The following VPS16 variants were observed in gnomAD, a reference collection of about 807,000 sequenced individuals.
The protein encoded by VPS16 is vacuolar protein sorting-associated protein 16 homolog.
In VPS16, 82 loss-of-function variants were observed where a neutral mutation model predicts 116.0. The observed-to-expected ratio is 0.71, with a 90% CI of 0.59 to 0.85. VPS16 has a LOEUF of 0.85. Ranked by LOEUF, VPS16 falls within the 40% of genes least tolerant of loss-of-function variation. The pLI, the probability that VPS16 is intolerant of heterozygous loss-of-function variation, is 0.00. For synonymous variants in VPS16, 406 were observed against 420.7 expected, an observed-to-expected ratio of 0.96 and a Z score of 0.43; for missense variants, 928 against 1,090.6, an observed-to-expected ratio of 0.85 and a Z score of 2.10.
At chr20:2,848,121 A>G (rs1252911070) in intron 1 of VPS16, among the ~76,000 whole-genome samples, 2 of 152,228 alleles carry the variant, frequency 1.3e-5, no homozygotes, top group Non-Finnish European at 2.9e-5. Context: ...TTCACGTAGC[A>G]GGCAGATTGG....
At position 2,845,255 on chromosome 20, in the gene VPS16, G is replaced by A. The variant is rs564921186; in HGVS notation, c.53+4428G>A. Among the ~76,000 whole-genome samples, 33 of 152,126 alleles carry A rather than the reference G, an allele frequency of 2.2e-4. No homozygotes were observed. In the South Asian group the frequency reaches 6.9e-3, roughly 32 times the overall value. On this transcript the variant is annotated intron_variant, in intron 1 of 23. Transcript: ENST00000380445. ...AAATTCGTAATGACTGCACTTGGTGGGGAGGAAGGAGAGCAAGGAATCAAG... is the reference window on the plus strand; with the variant it reads ...AAATTCGTAATGACTGCACTTGGTGAGGAGGAAGGAGAGCAAGGAATCAAG...
intron 1 of VPS16, among the ~76,000 whole-genome samples, chr20:2,855,982 T>C (rs2089168013): frequency 6.6e-6 from 1 of 152,226 alleles, no homozygotes. Flanking sequence ...CTTCAAGAAC[T>C]TTTCCTTTGC....
chr20:2,863,887 T>C lies in VPS16; in HGVS notation c.1477-62T>C, dbSNP rs916443040. 2.3e-5 allele frequency: 36 copies of C among 1,589,280 alleles called. No individual in the cohort carries two copies. In the African/African-American group the frequency reaches 3.1e-4, roughly 14 times the overall value. Reference sequence around the variant, plus strand: ...AACTGAAGGGGTGGGTCCTAAGGGCTTGCAGGAGTGGAGAGTGAGGAATGG... The same window carrying C: ...AACTGAAGGGGTGGGTCCTAAGGGCCTGCAGGAGTGGAGAGTGAGGAATGG... On this transcript the variant is annotated intron_variant, in intron 15 of 23. Transcript: ENST00000380445. The surrounding 1 kb of genome is among the most constrained non-coding windows in gnomAD (Gnocchi z 4.4).
At position 2,863,847 on chromosome 20, in the gene VPS16, G is replaced by A; in HGVS notation, c.1477-102G>A. 1 of 1,458,450 alleles carries A rather than the reference G, an allele frequency of 6.9e-7. No individual in the cohort carries two copies. The highest frequency in any genetic ancestry group is 9.3e-7 in the Non-Finnish European group (1 of 1,074,790). The allele number at this position is 1,458,450 out of a possible 1,614,324, so 90.3% of individuals were successfully genotyped here. On this transcript the variant is annotated intron_variant, in intron 15 of 23. Coordinates refer to ENST00000380445, the MANE Select transcript of VPS16 (RefSeq NM_022575.4). This position sits in a 1 kb window ranked among gnomAD's most constrained non-coding sequence, Gnocchi z 4.4. ...AGAGAAAGAAAGAAAGAAGAAGGAAGGGAGGGAGGAAGGGAACTGAAGGGG... is the reference window on the plus strand; with the variant it reads ...AGAGAAAGAAAGAAAGAAGAAGGAAAGGAGGGAGGAAGGGAACTGAAGGGG...
In VPS16 at chr20:2,864,984, G is replaced by A; in HGVS notation, c.1933G>A (p.Glu645Lys). 1.2e-6 allele frequency: 2 copies of A among 1,614,154 alleles called. No homozygotes were observed. Among genetic ancestry groups the A allele is most frequent in the Non-Finnish European group, 1.7e-6 (2 of 1,180,022 alleles). ...TTCCTTCTTGTCTTTATAGCGTATT[G>A]AGGGGCGAGTAGCAGCTCTGCAGAC... Reference protein sequence around the residue: ...RASYAAEERIEGRVAALQTAA... With the variant: ...RASYAAEERIKGRVAALQTAA... The change falls in exon 20 of 24, where the codon GAG becomes AAG. Residue 645 changes from glutamate (E) to lysine (K), a missense_variant. Coordinates refer to ENST00000380445, the MANE Select transcript of VPS16 (RefSeq NM_022575.4). This position sits in a 1 kb window ranked among gnomAD's most constrained non-coding sequence, Gnocchi z 5.2.
chr20:2,845,377 A>G (rs548452867), intron 1 of VPS16, among the ~76,000 whole-genome samples: 5 of 152,298 alleles, frequency 3.3e-5, no homozygotes, highest in Admixed American at 3.3e-4. Context: ...ATTGAGTTTC[A>G]GGTACTAAGA....
In VPS16 at chr20:2,863,591, C is replaced by T. The variant is rs368409532; in HGVS notation, c.1476+193C>T. Among the ~76,000 whole-genome samples the T allele has an allele frequency of 9.9e-5, 15 of 151,646 alleles. No individual in the cohort carries two copies. The highest frequency in any genetic ancestry group is 3.4e-4 in the African/African-American group (14 of 41,292). On this transcript the variant is annotated intron_variant, in intron 15 of 23. Transcript: ENST00000380445. The surrounding 1 kb of genome is among the most constrained non-coding windows in gnomAD (Gnocchi z 4.4). ...TAGCCTGGCTAACATGGTGAAACCC[C>T]GTCTCTACTAAAAATACAAAATTAG...
At chr20:2,861,129 G>A in intron 7 of VPS16, 37 bp downstream of exon 7, 1 of 1,614,224 alleles carries the variant, frequency 6.2e-7, no homozygotes, top group Non-Finnish European at 8.5e-7. Flanking sequence ...ACTGTGCCTT[G>A]TCCAGGGTAC....
Position 2,864,965 on chromosome 20 carries a change from C to T in VPS16, c.1927-13C>T, listed in dbSNP as rs1450722437. The T allele has an allele frequency of 1.2e-6, 2 of 1,614,184 alleles. No individual in the cohort carries two copies. On this transcript the variant is annotated splice_polypyrimidine_tract_variant and intron_variant, in intron 19 of 23. Transcript: ENST00000380445. This position sits in a 1 kb window ranked among gnomAD's most constrained non-coding sequence, Gnocchi z 5.2. ...CATGCTGTGAGTTCAGGCCTTCCTTCTTGTCTTTATAGCGTATTGAGGGGC... is the reference window on the plus strand; with the variant it reads ...CATGCTGTGAGTTCAGGCCTTCCTTTTTGTCTTTATAGCGTATTGAGGGGC...
At chr20:2,862,228 G>C in intron 11 of VPS16, 98 bp downstream of exon 11, 1 of 1,397,330 alleles carries the variant, frequency 7.2e-7, no homozygotes, top group Non-Finnish European at 9.8e-7. Context: ...CAAGAGAGGG[G>C]TCCAGGCAGG....
chr20:2,865,149 C>T lies in VPS16; in HGVS notation c.2006C>T (p.Ala669Val), dbSNP rs570376225. 5 of 1,614,180 alleles carry T rather than the reference C, an allele frequency of 3.1e-6. No individual in the cohort carries two copies. In the African/African-American group the frequency reaches 5.3e-5, roughly 17 times the overall value. ...ATGCCTCATTATCCGGGTCCCCAGG[C>T]TACAGAGGATCAAATGCGGCTCCTA... ...YKAKNEFAAK[A>V]TEDQMRLLRL... The change falls in exon 21 of 24, where the codon GCT becomes GTT. Residue 669 changes from alanine (A) to valine (V), a missense_variant and splice_region_variant. By Grantham distance (64) the Ala-to-Val change is moderately conservative. Coordinates refer to ENST00000380445, the MANE Select transcript of VPS16 (RefSeq NM_022575.4). The surrounding 1 kb of genome is among the most constrained non-coding windows in gnomAD (Gnocchi z 5.2).
At chr20:2,855,758 A>G (rs2146658091) in intron 1 of VPS16, among the ~76,000 whole-genome samples, 1 of 152,306 alleles carries the variant, frequency 6.6e-6, no homozygotes, top group Non-Finnish European at 1.5e-5. Flanking sequence ...AACCTCATGA[A>G]CAAACCTCTG....
intron 1 of VPS16, among the ~76,000 whole-genome samples, chr20:2,856,187 A>G (rs1364002871): frequency 6.6e-6 from 1 of 152,162 alleles, no homozygotes; most frequent in African/African-American, 2.4e-5. Flanking sequence ...GGGAATAGGA[A>G]GGCCTGAAGA....
At chr20:2,857,472 C>T (rs2325977) in intron 1 of VPS16, among the ~76,000 whole-genome samples, 29,212 of 151,320 alleles carry the variant, frequency 0.19, 4,290 homozygotes, top group African/African-American at 0.41. Context: ...AGTTTTATCG[C>T]CATAATTATT....
intron 1 of VPS16, among the ~76,000 whole-genome samples, chr20:2,856,850 A>C (rs1422806575): frequency 2.6e-5 from 4 of 152,092 alleles, no homozygotes; most frequent in Non-Finnish European, 5.9e-5. Context: ...GTTTTAATTA[A>C]TTTTATATAG....
intron 1 of VPS16, among the ~76,000 whole-genome samples, chr20:2,854,804 AAAAG>A (rs1010089793): frequency 4.6e-5 from 7 of 151,388 alleles, no homozygotes; most frequent in Admixed American, 6.6e-5. Context: ...TCAAAAAAAA[AAAAG>A]AAAGAAAGAA....
chr20:2,864,799 A>T lies in VPS16; in HGVS notation c.1926+145A>T, dbSNP rs2089300636. The T allele has an allele frequency of 8.6e-7, 1 of 1,162,324 alleles. No individual in the cohort carries two copies. The highest frequency in any genetic ancestry group is 1.2e-6 in the Non-Finnish European group (1 of 804,714). The allele number at this position is 1,162,324 out of a possible 1,614,324, so 72.0% of individuals were successfully genotyped here. On this transcript the variant is annotated intron_variant, in intron 19 of 23. Coordinates refer to ENST00000380445, the MANE Select transcript of VPS16 (RefSeq NM_022575.4). This position sits in a 1 kb window ranked among gnomAD's most constrained non-coding sequence, Gnocchi z 5.2. ...AGGGAGACTCTGACGTGAGGCCAGG[A>T]TGGGGGTTAGTGTCAGAGGAGCTAG...
intron 1 of VPS16, among the ~76,000 whole-genome samples, chr20:2,842,889 G>T (rs1367306303): frequency 5.1e-4 from 64 of 125,986 alleles, no homozygotes; most frequent in Admixed American, 1.8e-3. Flanking sequence ...TGTATCTATC[G>T]ATAGATAGAT....
Position 2,864,536 on chromosome 20 carries a change from T to C in VPS16, c.1819-11T>C, listed in dbSNP as rs754498017. ...TGGCCTTGCTGACTGATTGCCTGCC[T>C]GTGGCCCCAGTTCTGTAAGCATCAG... On this transcript the variant is annotated splice_polypyrimidine_tract_variant and intron_variant, in intron 18 of 23. Transcript: ENST00000380445. The surrounding 1 kb of genome is among the most constrained non-coding windows in gnomAD (Gnocchi z 5.2). The C allele has an allele frequency of 1.9e-6, 3 of 1,614,170 alleles. No individual in the cohort carries two copies. Among genetic ancestry groups the C allele is most frequent in the African/African-American group, 1.3e-5 (1 of 75,040 alleles).
Sources: allele counts gnomAD v4.1 joint callset (sites outside exome capture counted in the v4.1 genomes callset), GRCh38; gene constraint gnomAD v4.1.1; non-coding constraint Gnocchi (gnomAD v3.1); transcripts MANE v1.5; gene names NCBI Gene and HGNC (gene_info 2026-07-23, HGNC 2026-07-21).